Variants in MYLK observed in about 807,000 individuals in gnomAD.
The protein encoded by MYLK is myosin light chain kinase, smooth muscle.
MYLK carries 106 observed loss-of-function variants against 203.4 expected under a neutral mutation model. The ratio of observed to expected loss-of-function variants is 0.52; its 90% confidence interval spans 0.45 to 0.61. The LOEUF is 0.61. Ranked by LOEUF, MYLK falls within the 20% of genes least tolerant of loss-of-function variation. The pLI is 0.00. For missense variants in MYLK, 2,072 were observed against 2,442.3 expected (o/e 0.85, Z 3.20); for synonymous variants, 867 against 959.5 (o/e 0.90, Z 1.78).
At chr3:123,619,934 C>CA (rs1376417793) in intron 32 of MYLK, among the ~76,000 whole-genome samples, 1 of 151,998 alleles carries the variant, frequency 6.6e-6, no homozygotes, top group Non-Finnish European at 1.5e-5. Context: ...AATTTTAACA[C>CA]AAAATATATG....
intron 3 of MYLK, among the ~76,000 whole-genome samples, chr3:123,822,223 A>AGCATAAAATAG (rs1293124973): frequency 2.0e-5 from 3 of 152,228 alleles, no homozygotes; most frequent in Non-Finnish European, 2.9e-5. Context: ...CTTTTACAGC[A>AGCATAAAATAG]GCATAAAATA....
chr3:123,671,124 CAAG>C (rs1230694827), intron 20 of MYLK, among the ~76,000 whole-genome samples: 1 of 152,196 alleles, frequency 6.6e-6, no homozygotes, highest in Non-Finnish European at 1.5e-5. Flanking sequence ...AGGGGCTAAA[CAAG>C]AAGGAGGTAC....
chr3:123,666,459 C>T (rs1207316447), intron 21 of MYLK, 113 bp from the exon 22 acceptor site: 1 of 1,474,326 alleles, frequency 6.8e-7, no homozygotes, highest in African/African-American at 1.4e-5. Context: ...CTTCCGGAAC[C>T]TTCAGGGTAA....
intron 12 of MYLK, among the ~76,000 whole-genome samples, chr3:123,724,748 A>G: frequency 1.2e-3 from 1 of 840 alleles, no homozygotes; most frequent in Non-Finnish European, 0.017. Context: ...TCTTTCATTT[A>G]TTTATTTATT....
chr3:123,860,907 G>C (rs936260728), intron 2 of MYLK, among the ~76,000 whole-genome samples: 21 of 152,200 alleles, frequency 1.4e-4, no homozygotes, highest in African/African-American at 4.8e-4. Context: ...GAGGAGGGAG[G>C]ATCACGAAGT....
At chr3:123,855,524 A>G (rs894787434) in intron 2 of MYLK, among the ~76,000 whole-genome samples, 1 of 152,012 alleles carries the variant, frequency 6.6e-6, no homozygotes, top group Non-Finnish European at 1.5e-5. Flanking sequence ...CTGTAGTTCT[A>G]GCTACTCAGG....
chr3:123,822,734 T>C (rs2065979592), intron 3 of MYLK, among the ~76,000 whole-genome samples: 1 of 152,186 alleles, frequency 6.6e-6, no homozygotes, highest in Admixed American at 6.5e-5. Context: ...CCAACCCTTC[T>C]ACTCAGAGTT....
At chr3:123,762,334 T>A (rs1314140388) in intron 4 of MYLK, among the ~76,000 whole-genome samples, 4 of 151,936 alleles carry the variant, frequency 2.6e-5, no homozygotes, top group East Asian at 1.9e-4. Flanking sequence ...GCTCAAGCGA[T>A]CCTCCCACCC....
At chr3:123,823,071 C>A (rs1203216825) in intron 3 of MYLK, among the ~76,000 whole-genome samples, 1 of 152,184 alleles carries the variant, frequency 6.6e-6, no homozygotes, top group Non-Finnish European at 1.5e-5. Flanking sequence ...GTTTAAACAC[C>A]TCGTGGCTGC....
intron 13 of MYLK, among the ~76,000 whole-genome samples, chr3:123,711,004 T>C (rs2061670255): frequency 6.6e-6 from 1 of 151,798 alleles, no homozygotes; most frequent in South Asian, 2.1e-4. Context: ...GGTGGGAGGA[T>C]CACTTGAGCC....
chr3:123,780,154 T>G (rs964075856), intron 4 of MYLK, among the ~76,000 whole-genome samples: 1 of 152,136 alleles, frequency 6.6e-6, no homozygotes, highest in African/African-American at 2.4e-5. Flanking sequence ...ATTTTTATGG[T>G]TGGGCGCGGT....
At chr3:123,645,690 T>A (rs925658857) in intron 27 of MYLK, among the ~76,000 whole-genome samples, 3 of 152,220 alleles carry the variant, frequency 2.0e-5, no homozygotes, top group Non-Finnish European at 4.4e-5. Flanking sequence ...AAACGATGCT[T>A]GTTTGTAAAA....
At chr3:123,692,634 G>T in intron 19 of MYLK, 101 bp downstream of exon 19, 1 of 968,098 alleles carries the variant, frequency 1.0e-6, no homozygotes, top group Non-Finnish European at 1.7e-6. Context: ...GGGCAGTGTT[G>T]GAGGCAGTTC....
intron 3 of MYLK, among the ~76,000 whole-genome samples, chr3:123,797,977 A>C (rs1025641355): frequency 2.0e-5 from 3 of 152,180 alleles, no homozygotes; most frequent in Non-Finnish European, 4.4e-5. Flanking sequence ...ATGACTGGAA[A>C]ACAGTAGCAG....
At chr3:123,859,077 T>A (rs2031667480) in intron 2 of MYLK, among the ~76,000 whole-genome samples, 1 of 152,192 alleles carries the variant, frequency 6.6e-6, no homozygotes, top group Non-Finnish European at 1.5e-5. Flanking sequence ...AGAAATGAAT[T>A]GTTAAAAAAA....
In MYLK at chr3:123,704,730, C is replaced by T. The variant is rs369279044; in HGVS notation, c.2390+3024G>A. On this transcript the variant is annotated intron_variant, in intron 16 of 33. Transcript: ENST00000360304. ...CATCCTGGCTAACACAGTGAAACCC[C>T]GTCTCTACTAAAAATACAAAAAAAA... Among the ~76,000 whole-genome samples the T allele has an allele frequency of 1.7e-3, 244 of 143,864 alleles. 3 individuals carry two copies. The East Asian group carries it at 0.039, about 23-fold the overall frequency. 94.4% of individuals were successfully genotyped at this position (143,864 alleles called of 152,430 possible). A position where few individuals can be genotyped will look rare whatever the true frequency, so the allele number is the denominator to read the frequency against.
At chr3:123,653,986 T>TTGGG (rs1553783586) in intron 24 of MYLK, among the ~76,000 whole-genome samples, 2,193 of 137,756 alleles carry the variant, frequency 0.016, 32 homozygotes, top group Non-Finnish European at 0.026. Flanking sequence ...CAGAGGGATG[T>TTGGG]TGTGTGTGTG....
At chr3:123,673,384 A>T (rs1344876733) in intron 20 of MYLK, among the ~76,000 whole-genome samples, 9 of 151,836 alleles carry the variant, frequency 5.9e-5, no homozygotes, top group African/African-American at 1.9e-4. Flanking sequence ...AAGTGCTGGG[A>T]TTACAGACGT....
Position 123,634,594 on chromosome 3 carries a change from G to A in MYLK, c.4961+3477C>T, listed in dbSNP as rs141167909. Among the ~76,000 whole-genome samples the A allele has an allele frequency of 5.3e-3, 801 of 152,352 alleles. 3 individuals are homozygous for A. Among genetic ancestry groups the A allele is most frequent in the African/African-American group, 0.019 (785 of 41,576 alleles). ...ACAAACAAGCATGAATGGGAAGGCT[G>A]TGCTGCTGGGCCTGGTCAGGAAGAG... is the stretch of plus-strand genomic sequence containing the variant. On this transcript the variant is annotated intron_variant, in intron 29 of 33. Transcript: ENST00000360304.
Sources: gnomAD v4.1 joint callset for allele counts (sites outside exome capture counted in the v4.1 genomes callset) on GRCh38, gnomAD v4.1.1 for gene constraint, MANE v1.5 for transcripts, NCBI Gene and HGNC (gene_info 2026-07-23, HGNC 2026-07-21) for gene names.